SPTLC2: variants seen among roughly 807,000 people sequenced by gnomAD.
SPTLC2 encodes serine palmitoyltransferase 2.
SPTLC2 carries 21 observed loss-of-function variants against 62.0 expected under a neutral mutation model. The ratio of observed to expected loss-of-function variants is 0.34; its 90% confidence interval spans 0.24 to 0.49. The LOEUF (loss-of-function observed/expected upper bound fraction) is 0.49. SPTLC2 is among the 20% of genes least tolerant of loss of function. The pLI, the probability that SPTLC2 is intolerant of heterozygous loss-of-function variation, is 0.99. For missense variants in SPTLC2, 511 were observed against 713.0 expected (o/e 0.72, Z 3.23); for synonymous variants, 261 against 261.8 (o/e 1.00, Z 0.03).
At chr14:77,589,500 G>A (rs765568435) in intron 2 of SPTLC2, among the ~76,000 whole-genome samples, 19 of 137,832 alleles carry the variant, frequency 1.4e-4, no homozygotes, top group African/African-American at 4.6e-4. Flanking sequence ...TTTTTTTTTA[G>A]AGATAATGGC....
At chr14:77,588,996 C>CAAAAAAAAAAAAAAAAAAAAAAAAA (rs60536883) in intron 2 of SPTLC2, among the ~76,000 whole-genome samples, 1 of 74,628 alleles carries the variant, frequency 1.3e-5, no homozygotes, top group Admixed American at 1.6e-4. Context: ...GACCTTGTCT[C>CAAAAAAAAAAAAAAAAAAAAAAAAA]AAAAAAAAAA....
intron 4 of SPTLC2, among the ~76,000 whole-genome samples, chr14:77,571,049 A>C (rs2079679523): frequency 1.3e-5 from 2 of 152,178 alleles, no homozygotes; most frequent in South Asian, 4.2e-4. Context: ...GTGAGTTAAG[A>C]CATCTTGGAT....
chr14:77,537,027 A>G (rs1250325090), intron 9 of SPTLC2, among the ~76,000 whole-genome samples: 2 of 151,780 alleles, frequency 1.3e-5, no homozygotes, highest in African/African-American at 4.8e-5. Flanking sequence ...GGTTCAAGCA[A>G]TTCTCCTGCC....
At chr14:77,615,258 G>A (rs1468397461) in intron 1 of SPTLC2, among the ~76,000 whole-genome samples, 1 of 152,202 alleles carries the variant, frequency 6.6e-6, no homozygotes, top group East Asian at 1.9e-4. Flanking sequence ...TTCAGGGGAG[G>A]TCAAGTCTGC....
chr14:77,614,344 T>C (rs1017159836), intron 1 of SPTLC2, among the ~76,000 whole-genome samples: 6 of 152,182 alleles, frequency 3.9e-5, no homozygotes, highest in African/African-American at 1.4e-4. Flanking sequence ...TGTGAACACC[T>C]TTCTCTTGAC....
chr14:77,589,329 T>TA (rs1363781149), intron 2 of SPTLC2, among the ~76,000 whole-genome samples: 3 of 152,084 alleles, frequency 2.0e-5, no homozygotes, highest in Admixed American at 6.6e-5. Context: ...GATTTCAAGA[T>TA]AAAAAAACAC....
intron 9 of SPTLC2, among the ~76,000 whole-genome samples, chr14:77,550,868 C>T (rs759088184): frequency 6.7e-6 from 1 of 149,652 alleles, no homozygotes; most frequent in Non-Finnish European, 1.5e-5. Flanking sequence ...CGCACCACTA[C>T]ACTCCAGCCC....
chr14:77,525,301 C>T (rs758424513), intron 9 of SPTLC2, among the ~76,000 whole-genome samples: 2 of 150,778 alleles, frequency 1.3e-5, no homozygotes, highest in East Asian at 2.0e-4. Flanking sequence ...CTGTCACTTA[C>T]GAAAAATGAG....
chr14:77,537,286 T>TAA (rs74264007), intron 9 of SPTLC2, among the ~76,000 whole-genome samples: 284 of 146,974 alleles, frequency 1.9e-3, no homozygotes, highest in African/African-American at 5.2e-3. Flanking sequence ...GGGCAGAAGT[T>TAA]AAAAAAAAAA....
At position 77,610,653 on chromosome 14, in the gene SPTLC2, T is replaced by G. The variant is rs144026991; in HGVS notation, c.132+5795A>C. On this transcript the variant is annotated intron_variant, in intron 1 of 11. Transcript: ENST00000216484. ...GTATCAGTACAACCGCATATTTCACTGTACTTAGAAATTATCACAAAATAG... is the reference window on the plus strand; with the variant it reads ...GTATCAGTACAACCGCATATTTCACGGTACTTAGAAATTATCACAAAATAG... Among the ~76,000 whole-genome samples the G allele has an allele frequency of 4.8e-3, 728 of 152,174 alleles. 9 individuals carry two copies. Among genetic ancestry groups the G allele is most frequent in the African/African-American group, 0.017 (695 of 41,516 alleles).
intron 3 of SPTLC2, 189 bp downstream of exon 3, chr14:77,578,766 G>A: frequency 1.8e-6 from 1 of 564,438 alleles, no homozygotes; most frequent in South Asian, 2.1e-5. Flanking sequence ...ATCCAACACA[G>A]TATCAAATGT....
In SPTLC2 at chr14:77,512,138, T is replaced by G; in HGVS notation, c.*146A>C. ...TTTTTTACTATTTACAAAATGTCAT[T>G]TAGAGTGGAGGTGGCCACCTTCAGT... On this transcript the variant is annotated 3_prime_UTR_variant, in exon 12 of 12. Coordinates refer to ENST00000216484, the MANE Select transcript of SPTLC2 (RefSeq NM_004863.4). The G allele has an allele frequency of 9.5e-7, 1 of 1,057,176 alleles. No individual in the cohort carries two copies. Among genetic ancestry groups the G allele is most frequent in the Non-Finnish European group, 1.4e-6 (1 of 700,992 alleles). 65.5% of individuals were successfully genotyped at this position (1,057,176 alleles called of 1,614,324 possible). A position where few individuals can be genotyped will look rare whatever the true frequency, so the allele number is the denominator to read the frequency against.
Position 77,509,471 on chromosome 14 carries a change from G to GA in SPTLC2, c.*2812dup, listed in dbSNP as rs1049980434. On this transcript the variant is annotated 3_prime_UTR_variant, in exon 12 of 12. Coordinates refer to ENST00000216484, the MANE Select transcript of SPTLC2 (RefSeq NM_004863.4). ...CAATGCTGAATAAAAAGAGGAATGA[G>GA]AAAAAGTGCTAAGGACTAGTCACAC... The GA allele has an allele frequency of 1.9e-5, 3 of 161,022 alleles. No individual in the cohort carries two copies. Among genetic ancestry groups the GA allele is most frequent in the Non-Finnish European group, 4.0e-5 (3 of 74,176 alleles). The allele number at this position is 161,022 out of a possible 1,614,324, so 10.0% of individuals were successfully genotyped here.
intron 2 of SPTLC2, among the ~76,000 whole-genome samples, chr14:77,586,219 G>C (rs1216945170): frequency 6.6e-6 from 1 of 151,798 alleles, no homozygotes; most frequent in Non-Finnish European, 1.5e-5. Flanking sequence ...GGGATTACAG[G>C]TGTGCACCAC....
At chr14:77,553,330 G>C (rs1162487124) in intron 8 of SPTLC2, among the ~76,000 whole-genome samples, 1 of 152,022 alleles carries the variant, frequency 6.6e-6, no homozygotes, top group Non-Finnish European at 1.5e-5. Context: ...TGATCTCCCA[G>C]AGTATTATTT....
intron 3 of SPTLC2, among the ~76,000 whole-genome samples, chr14:77,577,817 G>A (rs990705524): frequency 3.9e-5 from 6 of 152,152 alleles, no homozygotes; most frequent in Non-Finnish European, 8.8e-5. Context: ...GGAGAATGGC[G>A]TGAACCCAGG....
At chr14:77,531,115 T>C (rs1449833871) in intron 9 of SPTLC2, among the ~76,000 whole-genome samples, 2 of 152,250 alleles carry the variant, frequency 1.3e-5, no homozygotes, top group East Asian at 3.9e-4. Context: ...ATTTCTGCCA[T>C]CCTGCATCTT....
At chr14:77,531,293 G>A (rs1354312839) in intron 9 of SPTLC2, among the ~76,000 whole-genome samples, 5 of 152,114 alleles carry the variant, frequency 3.3e-5, no homozygotes, top group African/African-American at 1.2e-4. Context: ...CAGTGCCACA[G>A]CAACCTAGTC....
At chr14:77,536,674 G>A (rs1033754506) in intron 9 of SPTLC2, among the ~76,000 whole-genome samples, 1 of 151,644 alleles carries the variant, frequency 6.6e-6, no homozygotes, top group Non-Finnish European at 1.5e-5. Flanking sequence ...TTATTCCAAA[G>A]CCACACTTTT....
Sources: allele counts gnomAD v4.1 joint callset (sites outside exome capture counted in the v4.1 genomes callset), GRCh38; gene constraint gnomAD v4.1.1; transcripts MANE v1.5; gene names NCBI Gene and HGNC (gene_info 2026-07-23, HGNC 2026-07-21).